Variants in FARS2 observed in about 807,000 individuals in gnomAD.
FARS2 encodes phenylalanine--tRNA ligase, mitochondrial.
A neutral mutation model predicts 46.4 loss-of-function variants in FARS2; 40 were observed. The observed-to-expected ratio is 0.86, with a 90% CI of 0.67 to 1.12. FARS2 has a LOEUF of 1.12. FARS2 is among the 50% of genes most tolerant of loss of function. The pLI is 0.00. For missense variants in FARS2, 513 were observed against 567.9 expected, an observed-to-expected ratio of 0.90 and a Z score of 0.98; for synonymous variants, 234 against 214.9, an observed-to-expected ratio of 1.09 and a Z score of -0.78.
intron 6 of FARS2, among the ~76,000 whole-genome samples, chr6:5,669,212 C>T (rs903232819): frequency 4.6e-5 from 7 of 152,156 alleles, no homozygotes; most frequent in African/African-American, 1.7e-4. Context: ...ACGGAGCAGA[C>T]GTGTTATCCT....
At chr6:5,278,559 G>A (rs189470570) in intron 1 of FARS2, among the ~76,000 whole-genome samples, 52 of 152,252 alleles carry the variant, frequency 3.4e-4, no homozygotes, top group Middle Eastern at 3.4e-3. Flanking sequence ...AATACTTGAT[G>A]TATGTTTTAA....
chr6:5,727,793 AT>A lies in FARS2; in HGVS notation c.1218-43496del, dbSNP rs1561824518. On this transcript the variant is annotated intron_variant, in intron 6 of 6. Coordinates refer to ENST00000274680, the MANE Select transcript of FARS2 (RefSeq NM_006567.5). The surrounding 1 kb of genome is among the most constrained non-coding windows in gnomAD (Gnocchi z 4.1). ...AAAACACTTCCTCGAGCTTCTATAC[AT>A]TCTGCTCGTTGCCATGTGTCCCCAG... Among the ~76,000 whole-genome samples the A allele has an allele frequency of 6.6e-6, 1 of 152,186 alleles. No homozygotes were observed. Among genetic ancestry groups the A allele is most frequent in the East Asian group, 1.9e-4 (1 of 5,184 alleles).
chr6:5,326,411 C>T (rs1008227591), intron 1 of FARS2, among the ~76,000 whole-genome samples: 5 of 152,204 alleles, frequency 3.3e-5, no homozygotes, highest in South Asian at 2.1e-4. Flanking sequence ...AAATCATTAA[C>T]GTCCAGCACA....
At chr6:5,641,796 C>T (rs928912705) in intron 6 of FARS2, among the ~76,000 whole-genome samples, 5 of 152,148 alleles carry the variant, frequency 3.3e-5, no homozygotes, top group Non-Finnish European at 4.4e-5. Flanking sequence ...TCTCATACAC[C>T]GAGGCCTCTG....
chr6:5,518,467 T>C (rs1364933063), intron 4 of FARS2, among the ~76,000 whole-genome samples: 1 of 152,204 alleles, frequency 6.6e-6, no homozygotes, highest in Non-Finnish European at 1.5e-5. Flanking sequence ...TAGAGAAATA[T>C]GTCTGGAAGT....
At chr6:5,411,281 TAAAACAAAAC>T (rs146746037) in intron 3 of FARS2, among the ~76,000 whole-genome samples, 27 of 151,886 alleles carry the variant, frequency 1.8e-4, no homozygotes, top group African/African-American at 4.4e-4. Flanking sequence ...CCTGTCTCTT[TAAAACAAAAC>T]AAAACAAAAC....
chr6:5,680,394 A>G (rs894214453), intron 6 of FARS2, among the ~76,000 whole-genome samples: 1 of 152,240 alleles, frequency 6.6e-6, no homozygotes, highest in Non-Finnish European at 1.5e-5. Flanking sequence ...GTTTATCCAC[A>G]GGGCCAGCTA....
chr6:5,378,621 G>A (rs902857155), intron 2 of FARS2, among the ~76,000 whole-genome samples: 7 of 152,102 alleles, frequency 4.6e-5, no homozygotes, highest in South Asian at 2.1e-4. Flanking sequence ...ATTCTCCACC[G>A]TGTGGTTATT....
intron 3 of FARS2, among the ~76,000 whole-genome samples, chr6:5,421,502 T>C (rs1762547965): frequency 6.6e-6 from 1 of 152,234 alleles, no homozygotes; most frequent in Admixed American, 6.5e-5. Flanking sequence ...AATGGGATTT[T>C]CTTTTCTATC....
chr6:5,698,950 C>T (rs763711239), intron 6 of FARS2, among the ~76,000 whole-genome samples: 5 of 152,174 alleles, frequency 3.3e-5, no homozygotes, highest in African/African-American at 1.2e-4. Flanking sequence ...ACCTGCGTGT[C>T]CTGCCAACTG....
At chr6:5,479,068 C>T (rs1005501522) in intron 4 of FARS2, among the ~76,000 whole-genome samples, 7 of 152,316 alleles carry the variant, frequency 4.6e-5, no homozygotes, top group African/African-American at 1.7e-4. Context: ...CTGGGAATTC[C>T]ATCGGGGTGA....
In FARS2 at chr6:5,742,103, A is replaced by G. The variant is rs79169112; in HGVS notation, c.1218-29188A>G. Among the ~76,000 whole-genome samples, 477 of 152,330 alleles carry G rather than the reference A, an allele frequency of 3.1e-3. 2 individuals are homozygous for G. Among genetic ancestry groups the G allele is most frequent in the African/African-American group, 0.011 (456 of 41,578 alleles). ...TTGGGAAAGACAGATCAGAGTCTCA[A>G]TTCTAAGATGAATAGGTACGTTGGC... On this transcript the variant is annotated intron_variant, in intron 6 of 6. Coordinates refer to ENST00000274680, the MANE Select transcript of FARS2 (RefSeq NM_006567.5).
chr6:5,664,161 C>G (rs1463873659), intron 6 of FARS2, among the ~76,000 whole-genome samples: 1 of 152,212 alleles, frequency 6.6e-6, no homozygotes, highest in African/African-American at 2.4e-5. Context: ...TTAATGTCTC[C>G]TGTGTCAGTT....
At chr6:5,505,662 T>C (rs1768056938) in intron 4 of FARS2, among the ~76,000 whole-genome samples, 2 of 152,326 alleles carry the variant, frequency 1.3e-5, no homozygotes, top group African/African-American at 4.8e-5. Flanking sequence ...CGCAACATAC[T>C]GTCCCTCTTC....
intron 4 of FARS2, among the ~76,000 whole-genome samples, chr6:5,541,464 T>A (rs1462637086): frequency 2.0e-5 from 3 of 152,244 alleles, no homozygotes; most frequent in Non-Finnish European, 2.9e-5. Context: ...AGTTCTCTTA[T>A]GTCCTACCAA....
chr6:5,446,140 T>C (rs1764174107), intron 4 of FARS2, among the ~76,000 whole-genome samples: 1 of 151,766 alleles, frequency 6.6e-6, no homozygotes, highest in South Asian at 2.1e-4. Flanking sequence ...GAGATGGAGC[T>C]TGCAGTGAGC....
chr6:5,532,771 T>TAAGAAG (rs1193448089), intron 4 of FARS2, among the ~76,000 whole-genome samples: 1 of 138,384 alleles, frequency 7.2e-6, no homozygotes, highest in South Asian at 2.2e-4. Flanking sequence ...GTAGTAATAA[T>TAAGAAG]AATAATAATA....
chr6:5,299,281 A>G (rs1581724375), intron 1 of FARS2, among the ~76,000 whole-genome samples: 1 of 152,196 alleles, frequency 6.6e-6, no homozygotes, highest in East Asian at 1.9e-4. Context: ...ACATAGTTAT[A>G]ATGCTTCCTA....
chr6:5,413,214 C>T (rs1412184731), intron 3 of FARS2, among the ~76,000 whole-genome samples: 2 of 152,140 alleles, frequency 1.3e-5, no homozygotes, highest in Non-Finnish European at 2.9e-5. Flanking sequence ...TTAAGGAGCC[C>T]AGAAACCTTC....
Sources: gnomAD v4.1 joint callset for allele counts (sites outside exome capture counted in the v4.1 genomes callset) on GRCh38, gnomAD v4.1.1 for gene constraint, Gnocchi (gnomAD v3.1) non-coding constraint, MANE v1.5 for transcripts, NCBI Gene and HGNC (gene_info 2026-07-23, HGNC 2026-07-21) for gene names.